DYM: variants seen among roughly 807,000 people sequenced by gnomAD.
The protein encoded by DYM is dymeclin, also known as dyggve-Melchior-Clausen syndrome protein.
A neutral mutation model predicts 93.1 loss-of-function variants in DYM; 78 were observed. The observed-to-expected ratio is 0.84, with a 90% CI of 0.70 to 1.01. The LOEUF (loss-of-function observed/expected upper bound fraction) is 1.01, where lower values mean the gene tolerates loss of function less well. Among genes scored for constraint, DYM ranks in the 50% least tolerant of loss-of-function variants. The probability of loss-of-function intolerance (pLI) is 0.00; values close to 1 mark genes in which losing one functional copy is unlikely to be tolerated. For missense variants in DYM, 789 were observed against 845.0 expected (o/e 0.93, Z 0.82); for synonymous variants, 321 against 319.7 (o/e 1.00, Z -0.04).
In DYM at chr18:49,250,270, C is replaced by G. The variant is rs138367118; in HGVS notation, c.1460+6740G>C. Among the ~76,000 whole-genome samples the G allele has an allele frequency of 5.4e-3, 825 of 152,328 alleles. 5 individuals are homozygous for G. Among genetic ancestry groups the G allele is most frequent in the African/African-American group, 0.019 (800 of 41,570 alleles). ...GAAATATAAAATAAGTCTTTTATCT[C>G]CAGTAATTATTACTCTGCTTAAGCA... On this transcript the variant is annotated intron_variant, in intron 13 of 17. Coordinates refer to ENST00000675505, the MANE Select transcript of DYM (RefSeq NM_001353214.3).
In DYM at chr18:49,209,286, G is replaced by A. The variant is rs190104378; in HGVS notation, c.1625+265C>T. 4.1e-4 allele frequency among the ~76,000 whole-genome samples: 62 copies of A among 152,228 alleles called. 1 individual carries two copies. Among genetic ancestry groups the A allele is most frequent in the African/African-American group, 1.3e-3 (56 of 41,522 alleles). ...ATCAAAAGATTCCCAAATGGAATGC[G>A]GTATAGAATAGTTCTGGCAAGTTTA... On this transcript the variant is annotated intron_variant, in intron 14 of 17. Transcript: ENST00000675505.
At position 49,217,739 on chromosome 18, in the gene DYM, G is replaced by C. The variant is rs545184617; in HGVS notation, c.1461-8024C>G. On this transcript the variant is annotated intron_variant, in intron 13 of 17. Transcript: ENST00000675505. ...TCTCACCACCAGGCCTGCCCTAAAA[G>C]AGCTCCTGAAGGAAGCACTAAACAT... Among the ~76,000 whole-genome samples the C allele has an allele frequency of 7.2e-5, 11 of 152,222 alleles. No homozygotes were observed. The South Asian group carries it at 1.2e-3, about 17-fold the overall frequency.
chr18:49,311,878 T>C (rs62104614), intron 8 of DYM, among the ~76,000 whole-genome samples: 3 of 146,686 alleles, frequency 2.0e-5, no homozygotes, highest in African/African-American at 5.1e-5. Context: ...AGTATAATAA[T>C]TAAAAAAAAA....
intron 6 of DYM, among the ~76,000 whole-genome samples, chr18:49,358,342 A>G (rs1301701666): frequency 6.6e-6 from 1 of 152,104 alleles, no homozygotes; most frequent in Non-Finnish European, 1.5e-5. Flanking sequence ...AAAGGAAGAC[A>G]AACTGTAGAA....
chr18:49,286,473 G>A lies in DYM; in HGVS notation c.907C>T (p.Pro303Ser), dbSNP rs200518242. ...AAGGACATAATGGCTTGTCTGTAGGGGTTTGGCGCATCTGAGGCATCTGTC... is the reference window on the plus strand; with the variant it reads ...AAGGACATAATGGCTTGTCTGTAGGAGTTTGGCGCATCTGAGGCATCTGTC... The part of the protein sequence containing the change: ...NLTDASDAPN[P>S]YRQAIMSFKN... Residue 303 changes from proline to serine, a missense_variant, in exon 9 of 18, where the codon CCC (proline) becomes TCC (serine). This residue lies in a region of DYM where 450 missense variants were observed against 436.2 expected (regional missense o/e 1.03). Coordinates refer to ENST00000675505, the MANE Select transcript of DYM (RefSeq NM_001353214.3). 5.5e-5 allele frequency: 89 copies of A among 1,614,126 alleles called. No homozygotes were observed. Among genetic ancestry groups the A allele is most frequent in the Non-Finnish European group, 7.0e-5 (83 of 1,180,000 alleles).
At position 49,454,832 on chromosome 18, in the gene DYM, C is replaced by G. The variant is rs573752614; in HGVS notation, c.-54+5566G>C. ...CTGAGGCAGGAGAATGGCGTAGACCCAGGAGGCAGAGTTTGCAGTGAGCCG... is the reference window on the plus strand; with the variant it reads ...CTGAGGCAGGAGAATGGCGTAGACCGAGGAGGCAGAGTTTGCAGTGAGCCG... On this transcript the variant is annotated intron_variant, in intron 1 of 17. Coordinates refer to ENST00000675505, the MANE Select transcript of DYM (RefSeq NM_001353214.3). Among the ~76,000 whole-genome samples the G allele has an allele frequency of 5.5e-4, 82 of 149,646 alleles. 1 individual carries two copies. The East Asian group carries it at 0.012, about 22-fold the overall frequency.
At chr18:49,159,048 ATACTC>A (rs2086783097) in intron 15 of DYM, among the ~76,000 whole-genome samples, 1 of 152,198 alleles carries the variant, frequency 6.6e-6, no homozygotes, top group Non-Finnish European at 1.5e-5. Flanking sequence ...TTAAAAAAGA[ATACTC>A]TAATACCATT....
At chr18:49,080,295 G>A (rs1357523109) in intron 17 of DYM, among the ~76,000 whole-genome samples, 4 of 133,302 alleles carry the variant, frequency 3.0e-5, no homozygotes, top group Non-Finnish European at 6.5e-5. Context: ...GGGCAGAGGC[G>A]CCCCTCACCT....
chr18:49,110,855 G>C (rs749072325), intron 16 of DYM, among the ~76,000 whole-genome samples: 1 of 151,922 alleles, frequency 6.6e-6, no homozygotes, highest in Non-Finnish European at 1.5e-5. Context: ...ATCTGATATC[G>C]TCCTATAGCT....
intron 17 of DYM, among the ~76,000 whole-genome samples, chr18:49,067,878 C>G (rs753788340): frequency 2.0e-5 from 3 of 151,886 alleles, no homozygotes; most frequent in Admixed American, 6.6e-5. Flanking sequence ...AGGACATGGT[C>G]CCTCCAAGGC....
intron 1 of DYM, among the ~76,000 whole-genome samples, chr18:49,458,505 T>G (rs2083190831): frequency 1.3e-5 from 2 of 152,208 alleles, no homozygotes; most frequent in Non-Finnish European, 2.9e-5. Context: ...TATTAAAAAC[T>G]ATTAATTTTT....
At chr18:49,445,087 G>A (rs1326519597) in intron 1 of DYM, among the ~76,000 whole-genome samples, 2 of 152,088 alleles carry the variant, frequency 1.3e-5, no homozygotes, top group Admixed American at 6.5e-5. Context: ...TATTAGTATC[G>A]CATTTTGAGC....
chr18:49,296,313 G>A (rs552133294), intron 8 of DYM, among the ~76,000 whole-genome samples: 1 of 152,240 alleles, frequency 6.6e-6, no homozygotes, highest in African/African-American at 2.4e-5. Context: ...TCTTTCAAGG[G>A]TCCTGACCAA....
chr18:49,124,184 T>G lies in DYM; in HGVS notation c.1729-5258A>C, dbSNP rs536261774. Among the ~76,000 whole-genome samples the G allele has an allele frequency of 2.6e-5, 4 of 152,314 alleles. No individual in the cohort carries two copies. The South Asian group carries it at 8.3e-4, about 32-fold the overall frequency. ...CAGGCTAAAATACTGACTATTTATT[T>G]TATTCCCAAGTCAGGGAAAGTATAA... On this transcript the variant is annotated intron_variant, in intron 15 of 17. Coordinates refer to ENST00000675505, the MANE Select transcript of DYM (RefSeq NM_001353214.3).
rs2071132215 is a variant in DYM at position 49,043,994 on chromosome 18, A to C, written c.*61T>G. The stretch of plus-strand genomic sequence containing the variant: ...CTGTCTGTCTACTTCTGTTACCCAG[A>C]AATAAAAGAACTTGAAGGGCTGCTT... On this transcript the variant is annotated 3_prime_UTR_variant, in exon 18 of 18. Coordinates refer to ENST00000675505, the MANE Select transcript of DYM (RefSeq NM_001353214.3). 6.3e-7 allele frequency: 1 copy of C among 1,599,982 alleles called. No homozygotes were observed. Among genetic ancestry groups the C allele is most frequent in the Non-Finnish European group, 8.5e-7 (1 of 1,171,132 alleles).
chr18:49,130,499 C>G (rs188443307), intron 15 of DYM, among the ~76,000 whole-genome samples: 6 of 152,278 alleles, frequency 3.9e-5, no homozygotes, highest in Admixed American at 2.0e-4. Context: ...GGTAAATTGT[C>G]TGTTTGTGTC....
chr18:49,294,201 C>T (rs553843571), intron 8 of DYM, among the ~76,000 whole-genome samples: 1 of 140,868 alleles, frequency 7.1e-6, no homozygotes, highest in Admixed American at 6.7e-5. Flanking sequence ...CAGTACCATG[C>T]TGTTTTGGTT....
At chr18:49,202,053 C>A (rs1209751922) in intron 14 of DYM, among the ~76,000 whole-genome samples, 2 of 152,184 alleles carry the variant, frequency 1.3e-5, no homozygotes, top group African/African-American at 4.8e-5. Context: ...CCTTCTTACC[C>A]AACAGCAGAA....
At chr18:49,391,961 C>T (rs1316720780) in intron 2 of DYM, among the ~76,000 whole-genome samples, 4 of 152,086 alleles carry the variant, frequency 2.6e-5, no homozygotes, top group African/African-American at 9.7e-5. Context: ...AAGGCAAGGG[C>T]CCTGTGTGCC....
Sources: allele counts gnomAD v4.1 joint callset (sites outside exome capture counted in the v4.1 genomes callset), GRCh38; gene constraint gnomAD v4.1.1; regional missense constraint gnomAD v4.1.1; transcripts MANE v1.5; gene names NCBI Gene and HGNC (gene_info 2026-07-23, HGNC 2026-07-21).